Variants in ITPRIP observed in about 807,000 individuals in gnomAD.
ITPRIP encodes the protein inositol 1,4,5-trisphosphate receptor interacting protein, also known as inositol 1,4,5-trisphosphate receptor-interacting protein.
A neutral mutation model predicts 35.8 loss-of-function variants in ITPRIP; 32 were observed. The observed-to-expected ratio is 0.89, with a 90% CI of 0.68 to 1.20. The LOEUF is 1.20. Ranked by LOEUF, ITPRIP falls within the 50% of genes most tolerant of loss-of-function variation. ITPRIP has a pLI of 0.00. For synonymous variants in ITPRIP, 358 were observed against 324.0 expected (o/e 1.11, Z -1.13); for missense variants, 653 against 735.6 (o/e 0.89, Z 1.30).
intron 1 of ITPRIP, among the ~76,000 whole-genome samples, chr10:104,319,110 T>C (rs2013773562): frequency 6.6e-6 from 1 of 152,262 alleles, no homozygotes; most frequent in South Asian, 2.1e-4. Flanking sequence ...AAAGGGGGCC[T>C]GGGCTGTAGA....
At chr10:104,337,107 C>CTAT in intron 1 of ITPRIP, among the ~76,000 whole-genome samples, 1 of 152,314 alleles carries the variant, frequency 6.6e-6, no homozygotes, top group Middle Eastern at 3.4e-3. Flanking sequence ...AAAACACAGC[C>CTAT]TATTCTGTTT....
In ITPRIP at chr10:104,316,010, C is replaced by T. The variant is rs557034744; in HGVS notation, c.42G>A (p.Thr14=). Residue 14 remains threonine (T), a synonymous_variant, in exon 2 of 2, where the codon ACG becomes ACA. Transcript: ENST00000337478. ...GLFRVCLVVV[T]AIINHPLLFP... is the part of the protein sequence containing the mutation. ...ACAGCAGCGGGTGGTTGATGATGGC[C>T]GTCACCACCACCAGACACACGCGGA... The T allele has an allele frequency of 1.4e-5, 23 of 1,607,066 alleles. No homozygotes were observed. Among genetic ancestry groups the T allele is most frequent in the Admixed American group, 5.1e-5 (3 of 59,376 alleles).
chr10:104,316,133 C>A (rs1216470259), intron 1 of ITPRIP, 69 bp from the exon 2 acceptor site: 4 of 1,313,220 alleles, frequency 3.0e-6, no homozygotes, highest in Admixed American at 5.5e-5. Context: ...GGCCCCGCAC[C>A]AACCTCAGCC....
At chr10:104,319,553 C>A (rs778169328) in intron 1 of ITPRIP, among the ~76,000 whole-genome samples, 1 of 152,148 alleles carries the variant, frequency 6.6e-6, no homozygotes, top group Non-Finnish European at 1.5e-5. Context: ...TAATCCATCT[C>A]CCCGCTTCCC....
intron 1 of ITPRIP, among the ~76,000 whole-genome samples, chr10:104,322,823 T>C (rs2013888961): frequency 6.6e-6 from 1 of 152,210 alleles, no homozygotes; most frequent in South Asian, 2.1e-4. Context: ...AGGGCACTTT[T>C]AGCCGAGGCC....
intron 1 of ITPRIP, among the ~76,000 whole-genome samples, chr10:104,316,324 T>G (rs1327383219): frequency 2.0e-5 from 3 of 152,074 alleles, no homozygotes; most frequent in African/African-American, 7.3e-5. Flanking sequence ...CCCTAACCCT[T>G]TTCTCCTACC....
intron 1 of ITPRIP, among the ~76,000 whole-genome samples, chr10:104,317,516 C>G (rs966161470): frequency 2.6e-5 from 4 of 152,226 alleles, no homozygotes; most frequent in Non-Finnish European, 5.9e-5. Flanking sequence ...ACCCTCTCCT[C>G]TCCTCAGCAG....
Position 104,313,569 on chromosome 10 carries a change from T to C in ITPRIP, c.*839A>G, listed in dbSNP as rs1369974596. 1 of 985,184 alleles carries C rather than the reference T, an allele frequency of 1.0e-6. No homozygotes were observed. The highest frequency in any genetic ancestry group is 1.2e-6 in the Non-Finnish European group (1 of 829,924). 61.0% of individuals were successfully genotyped at this position (985,184 alleles called of 1,614,324 possible). A position where few individuals can be genotyped will look rare whatever the true frequency, so the allele number is the denominator to read the frequency against. ...TGTCCTCCCCCTACCACAATGATAG[T>C]CAGAAAGACCAGCTTTGGAGAGAAT... is the stretch of plus-strand genomic sequence containing the variant. On this transcript the variant is annotated 3_prime_UTR_variant, in exon 2 of 2. Transcript: ENST00000337478.
At chr10:104,329,198 G>A (rs143502645) in intron 1 of ITPRIP, among the ~76,000 whole-genome samples, 85 of 152,148 alleles carry the variant, frequency 5.6e-4, no homozygotes, top group African/African-American at 1.9e-3. Context: ...AATTAAGAGC[G>A]TCTTTGCTTG....
In ITPRIP at chr10:104,319,104, G is replaced by C. The variant is rs556391245; in HGVS notation, c.-13-3040C>G. Among the ~76,000 whole-genome samples, 3 of 152,360 alleles carry C rather than the reference G, an allele frequency of 2.0e-5. No individual in the cohort carries two copies. In the South Asian group the frequency reaches 6.2e-4, roughly 32 times the overall value. ...GCCTGGGGAAGGACTGCAAGGAAAG[G>C]GGGCCTGGGCTGTAGACCCAGCAGA... On this transcript the variant is annotated intron_variant, in intron 1 of 1. Transcript: ENST00000337478.
At chr10:104,318,254 G>A (rs1462758970) in intron 1 of ITPRIP, among the ~76,000 whole-genome samples, 1 of 152,186 alleles carries the variant, frequency 6.6e-6, no homozygotes. Context: ...AGGGTCCAAG[G>A]CATAACTAAC....
In ITPRIP at chr10:104,314,810, G is replaced by A. The variant is rs771621215; in HGVS notation, c.1242C>T (p.Phe414=). The A allele has an allele frequency of 2.5e-6, 4 of 1,613,950 alleles. No individual in the cohort carries two copies. The highest frequency in any genetic ancestry group is 3.4e-6 in the Non-Finnish European group (4 of 1,180,026). The part of the protein sequence containing the change: ...CHLSCLQIAS[F]LLSKQSRLTG... ...TCAGGCGGCTCTGCTTGGAGAGCAG[G>A]AAGGATGCTATCTGCAGGCAGCTGA... Residue 414 remains phenylalanine (F), a synonymous_variant, in exon 2 of 2, where the codon TTC becomes TTT. Transcript: ENST00000337478.
chr10:104,320,140 T>C (rs1272163668), intron 1 of ITPRIP, among the ~76,000 whole-genome samples: 1 of 151,100 alleles, frequency 6.6e-6, no homozygotes, highest in Admixed American at 6.6e-5. Flanking sequence ...TCTCTCCTGA[T>C]CCAGGAGAGA....
chr10:104,311,204 G>A lies in ITPRIP; in HGVS notation c.*3204C>T, dbSNP rs2013477271. 6.6e-6 allele frequency: 1 copy of A among 152,238 alleles called. No individual in the cohort carries two copies. Among genetic ancestry groups the A allele is most frequent in the Non-Finnish European group, 1.5e-5 (1 of 68,050 alleles). 9.4% of individuals were successfully genotyped at this position (152,238 alleles called of 1,614,324 possible). ...GTGAATGTGGGTGCCCTCATGAGAAGCTTGTGGTGTAGCTGATGCCACTTA... is the reference window on the plus strand; with the variant it reads ...GTGAATGTGGGTGCCCTCATGAGAAACTTGTGGTGTAGCTGATGCCACTTA... On this transcript the variant is annotated 3_prime_UTR_variant, in exon 2 of 2. Transcript: ENST00000337478.
Position 104,315,502 on chromosome 10 carries a change from C to T in ITPRIP, c.550G>A (p.Asp184Asn), listed in dbSNP as rs764102033. 1.7e-5 allele frequency: 28 copies of T among 1,614,106 alleles called. No individual in the cohort carries two copies. The highest frequency in any genetic ancestry group is 1.1e-4 in the South Asian group (10 of 91,090). Reference sequence around the variant, plus strand: ...CCAATGAAGTCCTCCACCTCCATGTCGGTGTCCCGGTTGCAGAGGCTCCTC... The same window carrying T: ...CCAATGAAGTCCTCCACCTCCATGTTGGTGTCCCGGTTGCAGAGGCTCCTC... ...ALRSLCNRDT[D>N]MEVEDFIGVD... The change falls in exon 2 of 2, where the codon GAC becomes AAC. Residue 184 changes from aspartate (D) to asparagine (N), a missense_variant. By Grantham distance (23) the Asp-to-Asn change is conservative. Transcript: ENST00000337478. The surrounding 1 kb of genome is among the most constrained non-coding windows in gnomAD (Gnocchi z 5.7).
rs1473349351 is a variant in ITPRIP, at chr10:104,314,079, C to T, written c.*329G>A. ...GATTCAAAAAGAATTACACCCAATC[C>T]AACATTTGCATTGTCTCTAACTCAG... On this transcript the variant is annotated 3_prime_UTR_variant, in exon 2 of 2. Transcript: ENST00000337478. 4.6e-6 allele frequency: 5 copies of T among 1,080,498 alleles called. No individual in the cohort carries two copies. The highest frequency in any genetic ancestry group is 5.6e-6 in the Non-Finnish European group (5 of 889,456). 66.9% of individuals were successfully genotyped at this position (1,080,498 alleles called of 1,614,324 possible).
chr10:104,332,156 G>T (rs2014162850), intron 1 of ITPRIP, among the ~76,000 whole-genome samples: 1 of 152,178 alleles, frequency 6.6e-6, no homozygotes, highest in Admixed American at 6.5e-5. Context: ...AAGGGCCATT[G>T]TGAGGAGGAG....
intron 1 of ITPRIP, among the ~76,000 whole-genome samples, chr10:104,323,125 G>A (rs192675473): frequency 6.6e-6 from 1 of 152,314 alleles, no homozygotes; most frequent in Admixed American, 6.5e-5. Context: ...GAGTAGAAGA[G>A]GCAGGCTGGG....
At chr10:104,336,254 C>G (rs2014231176) in intron 1 of ITPRIP, among the ~76,000 whole-genome samples, 1 of 152,134 alleles carries the variant, frequency 6.6e-6, no homozygotes, top group East Asian at 1.9e-4. Flanking sequence ...GGCTCTGTAC[C>G]CCTCCCCAGC....
Sources: allele counts gnomAD v4.1 joint callset (sites outside exome capture counted in the v4.1 genomes callset), GRCh38; gene constraint gnomAD v4.1.1; non-coding constraint Gnocchi (gnomAD v3.1); transcripts MANE v1.5; gene names NCBI Gene and HGNC (gene_info 2026-07-23, HGNC 2026-07-21).